NGB: variants seen among roughly 807,000 people sequenced by gnomAD.
NGB encodes neuroglobin, also known as nitrite reductase.
A neutral mutation model predicts 17.3 loss-of-function variants in NGB; 12 were observed. The ratio of observed to expected loss-of-function variants is 0.69; its 90% CI spans 0.45 to 1.13. The LOEUF (loss-of-function observed/expected upper bound fraction) is 1.13, where lower values mean the gene tolerates loss of function less well. Ranked by LOEUF, NGB falls within the 50% of genes most tolerant of loss-of-function variation. NGB has a pLI of 0.00. For synonymous variants in NGB, 87 were observed against 81.0 expected (o/e 1.07, Z -0.40); for missense variants, 195 against 191.7 (o/e 1.02, Z -0.10).
intron 1 of NGB, among the ~76,000 whole-genome samples, chr14:77,270,113 G>A (rs1177987815): frequency 6.6e-6 from 1 of 152,058 alleles, no homozygotes; most frequent in East Asian, 1.9e-4. Flanking sequence ...TTTTGCGGAA[G>A]CCTGGGTAGA....
rs1889662929 is a variant in NGB at position 77,266,079 on chromosome 14, T to C, written c.*457A>G. The C allele has an allele frequency of 1.1e-5, 4 of 370,564 alleles. No homozygotes were observed. The highest frequency in any genetic ancestry group is 6.6e-5 in the South Asian group (3 of 45,126). The allele number at this position is 370,564 out of a possible 1,614,324, so 23.0% of individuals were successfully genotyped here. The stretch of plus-strand genomic sequence containing the variant: ...CTTTATTTGTGAAAAGCAAGCCATC[T>C]TGGGGCAGGAAAGCAGTGAAGGGAC... On this transcript the variant is annotated 3_prime_UTR_variant, in exon 4 of 4. Transcript: ENST00000298352.
At position 77,266,689 on chromosome 14, in the gene NGB, C is replaced by T. The variant is rs138075085; in HGVS notation, c.322-19G>A. ...CCACTGTCTGCAGAGGCAAGGGGCACCTTGTCACTTCCAAAGGCAGAAAGG... is the reference window on the plus strand; with the variant it reads ...CCACTGTCTGCAGAGGCAAGGGGCATCTTGTCACTTCCAAAGGCAGAAAGG... On this transcript the variant is annotated intron_variant, in intron 3 of 3. Transcript: ENST00000298352. 1.5e-3 allele frequency: 2,459 copies of T among 1,611,266 alleles called. 14 individuals are homozygous for T. Among genetic ancestry groups the T allele is most frequent in the Middle Eastern group, 0.015 (90 of 6,052 alleles).
In NGB at chr14:77,270,955, G is replaced by A; in HGVS notation, c.-18C>T. 1 of 1,516,256 alleles carries A rather than the reference G, an allele frequency of 6.6e-7. No individual in the cohort carries two copies. Among genetic ancestry groups the A allele is most frequent in the South Asian group, 1.2e-5 (1 of 82,770 alleles). The allele number at this position is 1,516,256 out of a possible 1,614,324, so 93.9% of individuals were successfully genotyped here. A position where few individuals can be genotyped will look rare whatever the true frequency, so the allele number is the denominator to read the frequency against. On this transcript the variant is annotated 5_prime_UTR_variant, in exon 1 of 4. Coordinates refer to ENST00000298352, the MANE Select transcript of NGB (RefSeq NM_021257.4). Reference sequence around the variant, plus strand: ...CGCTCCATGCTGTCCCGGGGACGCGGAGCGCGGGGCTGGGACCCTCAGGGC... The same window carrying A: ...CGCTCCATGCTGTCCCGGGGACGCGAAGCGCGGGGCTGGGACCCTCAGGGC...
At position 77,266,603 on chromosome 14, in the gene NGB, C is replaced by G; in HGVS notation, c.389G>C (p.Arg130Pro). 6.2e-7 allele frequency: 1 copy of G among 1,614,166 alleles called. No individual in the cohort carries two copies. Among genetic ancestry groups the G allele is most frequent in the Non-Finnish European group, 8.5e-7 (1 of 1,180,046 alleles). Residue 130 changes from arginine to proline, a missense_variant, in exon 4 of 4, where the codon CGG becomes CCG. Coordinates refer to ENST00000298352, the MANE Select transcript of NGB (RefSeq NM_021257.4). ...CLGPAFTPAT[R>P]AAWSQLYGAV... Reference sequence around the variant, plus strand: ...CCCGTAGAGTTGGCTCCAGGCAGCCCGTGTGGCTGGTGTGAAGGCAGGGCC... The same window carrying G: ...CCCGTAGAGTTGGCTCCAGGCAGCCGGTGTGGCTGGTGTGAAGGCAGGGCC...
At position 77,266,196 on chromosome 14, in the gene NGB, C is replaced by T; in HGVS notation, c.*340G>A. On this transcript the variant is annotated 3_prime_UTR_variant, in exon 4 of 4. Transcript: ENST00000298352. Reference sequence around the variant, plus strand: ...TGAAGAAGCAGGACAGACAGAAGAGCCCCATCCTCTCCCACCTCCATACCT... The same window carrying T: ...TGAAGAAGCAGGACAGACAGAAGAGTCCCATCCTCTCCCACCTCCATACCT... 1.8e-6 allele frequency: 1 copy of T among 567,616 alleles called. No homozygotes were observed. Among genetic ancestry groups the T allele is most frequent in the East Asian group, 4.8e-5 (1 of 20,964 alleles). The allele number at this position is 567,616 out of a possible 1,614,324, so 35.2% of individuals were successfully genotyped here.
At position 77,266,455 on chromosome 14, in the gene NGB, A is replaced by T; in HGVS notation, c.*81T>A. 1 of 1,558,272 alleles carries T rather than the reference A, an allele frequency of 6.4e-7. No homozygotes were observed. The highest frequency in any genetic ancestry group is 1.8e-5 in the Admixed American group (1 of 57,078). ...GGGGACAAGGACCAAGATGCAGGGA[A>T]GCTTGGGGAGCCTGGGCTACAACAG... On this transcript the variant is annotated 3_prime_UTR_variant, in exon 4 of 4. Coordinates refer to ENST00000298352, the MANE Select transcript of NGB (RefSeq NM_021257.4).
intron 1 of NGB, among the ~76,000 whole-genome samples, chr14:77,270,069 A>C (rs865918388): frequency 1.3e-4 from 19 of 151,936 alleles, no homozygotes; most frequent in African/African-American, 4.6e-4. Context: ...CTCACCGGGT[A>C]ACTGAATGTT....
intron 3 of NGB, 112 bp downstream of exon 3, chr14:77,268,354 G>C: frequency 8.3e-7 from 1 of 1,198,102 alleles, no homozygotes; most frequent in Non-Finnish European, 1.2e-6. Flanking sequence ...CGCAGCCCTG[G>C]TTATCTAAGG....
At chr14:77,266,809 G>T in intron 3 of NGB, 139 bp from the exon 4 acceptor site, 1 of 909,890 alleles carries the variant, frequency 1.1e-6, no homozygotes, top group South Asian at 1.8e-5. Context: ...CATGCTTCCT[G>T]AGCAGGGTCC....
chr14:77,266,613 G>T lies in NGB; in HGVS notation c.379C>A (p.Pro127Thr), dbSNP rs372062527. ...TGGCTCCAGGCAGCCCGTGTGGCTG[G>T]TGTGAAGGCAGGGCCCAGACACTTC... ...LEKCLGPAFT[P>T]ATRAAWSQLY... The change falls in exon 4 of 4, where the codon CCA becomes ACA. Residue 127 changes from proline (P) to threonine (T), a missense_variant. Pro to Thr is a conservative substitution (Grantham distance 38). Coordinates refer to ENST00000298352, the MANE Select transcript of NGB (RefSeq NM_021257.4). 9 of 1,614,064 alleles carry T rather than the reference G, an allele frequency of 5.6e-6. No individual in the cohort carries two copies. The African/African-American group carries it at 1.2e-4, about 22-fold the overall frequency.
In NGB at chr14:77,265,607, C is replaced by T. The variant is rs746263393; in HGVS notation, c.*929G>A. On this transcript the variant is annotated 3_prime_UTR_variant, in exon 4 of 4. Coordinates refer to ENST00000298352, the MANE Select transcript of NGB (RefSeq NM_021257.4). This position sits in a 1 kb window ranked among gnomAD's most constrained non-coding sequence, Gnocchi z 4.7. Reference sequence around the variant, plus strand: ...GGGGCCTCTGCTGCTGCCTTCTCTTCTCTCCAGCTGCCTGAGTACTGGCAC... The same window carrying T: ...GGGGCCTCTGCTGCTGCCTTCTCTTTTCTCCAGCTGCCTGAGTACTGGCAC... 1.2e-4 allele frequency: 18 copies of T among 153,590 alleles called. No individual in the cohort carries two copies. Among genetic ancestry groups the T allele is most frequent in the Non-Finnish European group, 2.5e-4 (17 of 68,942 alleles). The allele number at this position is 153,590 out of a possible 1,614,324, so 9.5% of individuals were successfully genotyped here.
At chr14:77,269,407 C>A (rs1286165536) in intron 1 of NGB, 81 bp from the exon 2 acceptor site, 4 of 957,292 alleles carry the variant, frequency 4.2e-6, no homozygotes, top group South Asian at 1.5e-5. Flanking sequence ...CTGCAGTCAG[C>A]GGGCGGGGGT....
In NGB at chr14:77,266,152, G is replaced by A. The variant is rs529191999; in HGVS notation, c.*384C>T. On this transcript the variant is annotated 3_prime_UTR_variant, in exon 4 of 4. Transcript: ENST00000298352. ...CTGGAAGCTCAGCCATCTCACCCCC[G>A]CCTTGGCCTGCACTCACCTGAAGAA... 10 of 522,944 alleles carry A rather than the reference G, an allele frequency of 1.9e-5. No individual in the cohort carries two copies. The highest frequency in any genetic ancestry group is 6.4e-4 in the Middle Eastern group (1 of 1,554). 32.4% of individuals were successfully genotyped at this position (522,944 alleles called of 1,614,324 possible).
intron 3 of NGB, 31 bp from the exon 4 acceptor site, chr14:77,266,701 C>T: frequency 6.2e-7 from 1 of 1,609,144 alleles, no homozygotes; most frequent in Non-Finnish European, 8.5e-7. Context: ...TTGTCACTTC[C>T]AAAGGCAGAA....
At chr14:77,269,383 C>T (rs1263215229) in intron 1 of NGB, 57 bp from the exon 2 acceptor site, 4 of 1,235,614 alleles carry the variant, frequency 3.2e-6, no homozygotes, top group Admixed American at 2.0e-5. Flanking sequence ...CAAGCCCCAG[C>T]AAGCCTGGCT....
At position 77,266,278 on chromosome 14, in the gene NGB, C is replaced by T. The variant is rs747116221; in HGVS notation, c.*258G>A. On this transcript the variant is annotated 3_prime_UTR_variant, in exon 4 of 4. Coordinates refer to ENST00000298352, the MANE Select transcript of NGB (RefSeq NM_021257.4). ...ACTCATCGCGGGGTCAGAGGGAGTG[C>T]CAAAAAAGGTAAAAAGAAACGCAAG... The T allele has an allele frequency of 1.4e-6, 1 of 711,206 alleles. No individual in the cohort carries two copies. Among genetic ancestry groups the T allele is most frequent in the South Asian group, 1.4e-5 (1 of 73,140 alleles). The allele number at this position is 711,206 out of a possible 1,614,324, so 44.1% of individuals were successfully genotyped here.
At position 77,271,083 on chromosome 14, in the gene NGB, C is replaced by G. The variant is rs565097630; in HGVS notation, c.-146G>C. The G allele has an allele frequency of 3.6e-6, 2 of 561,606 alleles. No homozygotes were observed. Among genetic ancestry groups the G allele is most frequent in the Non-Finnish European group, 3.0e-6 (1 of 337,886 alleles). The allele number at this position is 561,606 out of a possible 1,614,324, so 34.8% of individuals were successfully genotyped here. ...CTCCGCCCGGCGGGGGCCGCAGCCG[C>G]TCCTTCCCTGGCGCGGGAGAGAAAA... On this transcript the variant is annotated 5_prime_UTR_variant, in exon 1 of 4. Coordinates refer to ENST00000298352, the MANE Select transcript of NGB (RefSeq NM_021257.4).
rs1399728828 is a variant in NGB at position 77,268,600 on chromosome 14, G to A, written c.202-15C>T. 7 of 1,613,756 alleles carry A rather than the reference G, an allele frequency of 4.3e-6. No homozygotes were observed. The African/African-American group carries it at 6.7e-5, about 15-fold the overall frequency. On this transcript the variant is annotated splice_polypyrimidine_tract_variant and intron_variant, in intron 2 of 3. Transcript: ENST00000298352. ...ACGAGCATCACCTGCCAAGGCCAAG[G>A]CAGCAGTGAAACAGAGAGGCCAGAG...
intron 1 of NGB, among the ~76,000 whole-genome samples, chr14:77,269,723 T>C (rs866411750): frequency 3.2e-3 from 9 of 2,774 alleles, no homozygotes; most frequent in Non-Finnish European, 6.1e-3. Context: ...TCTCTCTCTC[T>C]CTCTTCTCTC....
Sources: allele counts gnomAD v4.1 joint callset (sites outside exome capture counted in the v4.1 genomes callset), GRCh38; gene constraint gnomAD v4.1.1; non-coding constraint Gnocchi (gnomAD v3.1); transcripts MANE v1.5; gene names NCBI Gene and HGNC (gene_info 2026-07-23, HGNC 2026-07-21).